Variants in HLCS observed in about 807,000 individuals in gnomAD.
HLCS encodes holocarboxylase synthetase, also known as biotin--protein ligase.
Under a neutral mutation model 75.0 loss-of-function variants are expected in HLCS, and 53 were observed. That is an observed-to-expected ratio of 0.71 (90% CI 0.57 to 0.89). The LOEUF (loss-of-function observed/expected upper bound fraction) is 0.89, where lower values mean the gene tolerates loss of function less well. Among genes scored for constraint, HLCS ranks in the 40% least tolerant of loss-of-function variants. HLCS has a pLI of 0.00. For synonymous variants in HLCS, 431 were observed against 428.6 expected (o/e 1.01, Z -0.07); for missense variants, 966 against 1,074.0 (o/e 0.90, Z 1.41).
chr21:36,850,845 G>C (rs1260167824), intron 6 of HLCS, among the ~76,000 whole-genome samples: 1 of 152,090 alleles, frequency 6.6e-6, no homozygotes, highest in Non-Finnish European at 1.5e-5. Context: ...CTACAGCGAG[G>C]AGCTCCCCTA....
chr21:36,899,537 T>A (rs1480003741), intron 5 of HLCS, among the ~76,000 whole-genome samples: 1 of 151,902 alleles, frequency 6.6e-6, no homozygotes, highest in Non-Finnish European at 1.5e-5. Context: ...GGCAGGAAAA[T>A]CTCTTGAACC....
chr21:36,864,984 T>C (rs2063505933), intron 6 of HLCS, among the ~76,000 whole-genome samples: 1 of 152,120 alleles, frequency 6.6e-6, no homozygotes, highest in African/African-American at 2.4e-5. Flanking sequence ...TAAAATCTTG[T>C]CTTTTGCTTT....
intron 4 of HLCS, among the ~76,000 whole-genome samples, chr21:36,933,835 C>T (rs929396805): frequency 3.6e-4 from 55 of 152,128 alleles, no homozygotes; most frequent in African/African-American, 1.2e-3. Context: ...CACAGAGTAG[C>T]CAAGATGCAC....
At chr21:36,793,298 T>TTTTTTTTTTC (rs2060927918) in intron 6 of HLCS, among the ~76,000 whole-genome samples, 1 of 145,196 alleles carries the variant, frequency 6.9e-6, no homozygotes, top group African/African-American at 2.5e-5. Context: ...AAGCAGTCTT[T>TTTTTTTTTTC]TTTTTTTTTT....
At chr21:36,910,734 C>T (rs2065668652) in intron 5 of HLCS, among the ~76,000 whole-genome samples, 1 of 152,152 alleles carries the variant, frequency 6.6e-6, no homozygotes, top group Non-Finnish European at 1.5e-5. Context: ...CACCTCCTCA[C>T]CAGCCTGGTC....
chr21:36,981,259 G>A (rs1217651143), intron 1 of HLCS, among the ~76,000 whole-genome samples: 1 of 152,290 alleles, frequency 6.6e-6, no homozygotes, highest in East Asian at 1.9e-4. Context: ...TGGCACTCCT[G>A]ATGGGTTATT....
chr21:36,844,812 G>A (rs745313559), intron 6 of HLCS, among the ~76,000 whole-genome samples: 15 of 152,030 alleles, frequency 9.9e-5, no homozygotes, highest in Admixed American at 2.0e-4. Context: ...AAATCCGATC[G>A]ATTGGGTCCA....
intron 6 of HLCS, among the ~76,000 whole-genome samples, chr21:36,845,154 T>C (rs552384081): frequency 1.3e-5 from 2 of 152,258 alleles, no homozygotes; most frequent in South Asian, 4.1e-4. Context: ...GGAAGAAAAC[T>C]TTCTGTTCAA....
At chr21:36,860,060 T>G (rs1017102430) in intron 6 of HLCS, among the ~76,000 whole-genome samples, 1 of 152,230 alleles carries the variant, frequency 6.6e-6, no homozygotes, top group African/African-American at 2.4e-5. Flanking sequence ...ATGAGAATGC[T>G]CGGGTTCCCT....
intron 1 of HLCS, chr21:36,973,914 C>A: frequency 6.6e-6 from 1 of 152,640 alleles, no homozygotes; most frequent in Non-Finnish European, 1.5e-5. Context: ...TCGCTTGAAC[C>A]TGGGAGGCGG....
At chr21:36,878,958 G>T (rs2146262704) in intron 6 of HLCS, among the ~76,000 whole-genome samples, 1 of 147,848 alleles carries the variant, frequency 6.8e-6, no homozygotes, top group South Asian at 2.2e-4. Context: ...CTAAGCTATA[G>T]CTTCCCCCTT....
chr21:36,886,396 G>A (rs945896054), intron 6 of HLCS, among the ~76,000 whole-genome samples: 3 of 134,394 alleles, frequency 2.2e-5, no homozygotes, highest in Non-Finnish European at 4.6e-5. Flanking sequence ...TCGCACCACC[G>A]CACTCCAGCC....
chr21:36,773,625 G>A (rs1374338175), intron 6 of HLCS, among the ~76,000 whole-genome samples: 4 of 152,134 alleles, frequency 2.6e-5, no homozygotes, highest in African/African-American at 4.8e-5. Context: ...TTACCCCCCA[G>A]TTTTCTCAGC....
chr21:36,870,982 C>T (rs958003884), intron 6 of HLCS, among the ~76,000 whole-genome samples: 6 of 152,142 alleles, frequency 3.9e-5, no homozygotes, highest in African/African-American at 9.7e-5. Flanking sequence ...TCAGAATATA[C>T]ATTAATGAGA....
chr21:36,947,402 G>A (rs948083648), intron 2 of HLCS: 19 of 985,294 alleles, frequency 1.9e-5, no homozygotes, highest in East Asian at 1.1e-4. Context: ...TTCAAGCAGC[G>A]CTGGGTGCTC....
intron 10 of HLCS, among the ~76,000 whole-genome samples, chr21:36,754,896 C>T (rs745476704): frequency 1.1e-4 from 17 of 152,180 alleles, no homozygotes; most frequent in Non-Finnish European, 1.8e-4. Flanking sequence ...ACTCAAGTCA[C>T]GTCCTTCTTA....
At chr21:36,958,599 G>C (rs2068100803) in intron 2 of HLCS, among the ~76,000 whole-genome samples, 1 of 152,082 alleles carries the variant, frequency 6.6e-6, no homozygotes, top group Non-Finnish European at 1.5e-5. Context: ...GACCAGCCTG[G>C]GCAACACGGT....
intron 5 of HLCS, among the ~76,000 whole-genome samples, chr21:36,906,578 T>TA (rs1247857852): frequency 6.6e-6 from 1 of 151,358 alleles, no homozygotes; most frequent in Non-Finnish European, 1.5e-5. Flanking sequence ...ACTGAAAAGA[T>TA]ACACCATGTT....
intron 6 of HLCS, among the ~76,000 whole-genome samples, chr21:36,810,060 C>T (rs1020961646): frequency 2.6e-5 from 4 of 152,206 alleles, no homozygotes; most frequent in African/African-American, 9.6e-5. Flanking sequence ...ATAGTTATAA[C>T]AGCCACTGGA....
Sources: gnomAD v4.1 joint callset for allele counts (sites outside exome capture counted in the v4.1 genomes callset) on GRCh38, gnomAD v4.1.1 for gene constraint, MANE v1.5 for transcripts, NCBI Gene and HGNC (gene_info 2026-07-23, HGNC 2026-07-21) for gene names.